Variants in AMPD3 observed in about 807,000 individuals in gnomAD.
AMPD3 encodes adenosine monophosphate deaminase 3.
Under a neutral mutation model 82.3 loss-of-function variants are expected in AMPD3, and 57 were observed. The observed-to-expected ratio is 0.69, with a 90% CI of 0.56 to 0.86. The LOEUF (loss-of-function observed/expected upper bound fraction) is 0.86. Among genes scored for constraint, AMPD3 ranks in the 40% least tolerant of loss-of-function variants. The probability of loss-of-function intolerance (pLI) is 0.00; values close to 1 mark genes in which losing one functional copy is unlikely to be tolerated. For synonymous variants in AMPD3, 381 were observed against 394.7 expected (o/e 0.97, Z 0.41); for missense variants, 870 against 1,003.8 (o/e 0.87, Z 1.80).
At chr11:10,497,147 T>TG (rs1482728449) in intron 10 of AMPD3, among the ~76,000 whole-genome samples, 2 of 149,738 alleles carry the variant, frequency 1.3e-5, no homozygotes, top group Non-Finnish European at 3.0e-5. Flanking sequence ...TCAGTGGGTG[T>TG]GGGGGGATGG....
upstream of AMPD3, chr11:10,455,141 G>C: frequency 2.0e-6 from 2 of 985,292 alleles, no homozygotes; most frequent in Non-Finnish European, 2.4e-6. Context: ...CATCCTTCCT[G>C]AGCTCTTCTC....
At chr11:10,494,246 A>G (rs57274216) in intron 7 of AMPD3, among the ~76,000 whole-genome samples, 19,264 of 152,252 alleles carry the variant, frequency 0.13, 1,272 homozygotes, top group East Asian at 0.18. Flanking sequence ...CAAATATCAT[A>G]TGATTCCACT....
Position 10,507,093 on chromosome 11 carries a change from G to A in AMPD3, c.*1209G>A, listed in dbSNP as rs1849731183. The A allele has an allele frequency of 1.3e-5, 2 of 152,610 alleles. No homozygotes were observed. Among genetic ancestry groups the A allele is most frequent in the Admixed American group, 6.5e-5 (1 of 15,288 alleles). The allele number at this position is 152,610 out of a possible 1,614,324, so 9.5% of individuals were successfully genotyped here. Reference sequence around the variant, plus strand: ...CTGTGTTACTAGTGCCTGGTATGTAGTAGGTGCTCAATAAATGCATATTGA... The same window carrying A: ...CTGTGTTACTAGTGCCTGGTATGTAATAGGTGCTCAATAAATGCATATTGA... On this transcript the variant is annotated 3_prime_UTR_variant, in exon 15 of 15. Transcript: ENST00000396553.
At chr11:10,485,356 C>T (rs188822145) in intron 5 of AMPD3, among the ~76,000 whole-genome samples, 7 of 152,282 alleles carry the variant, frequency 4.6e-5, no homozygotes, top group African/African-American at 1.7e-4. Context: ...AAGTGATTCT[C>T]TTGCCTCAGC....
At chr11:10,488,837 G>A (rs1039360089) in intron 6 of AMPD3, among the ~76,000 whole-genome samples, 1 of 152,114 alleles carries the variant, frequency 6.6e-6, no homozygotes, top group Non-Finnish European at 1.5e-5. Context: ...GGGAGGGTAG[G>A]CCAGGGGAGG....
intron 2 of AMPD3, among the ~76,000 whole-genome samples, chr11:10,464,856 G>T (rs918801989): frequency 6.6e-6 from 1 of 152,120 alleles, no homozygotes; most frequent in Non-Finnish European, 1.5e-5. Context: ...TGGCTATATT[G>T]TTTCTTATCC....
chr11:10,478,018 A>G (rs1591459737), intron 2 of AMPD3: 3 of 985,436 alleles, frequency 3.0e-6, no homozygotes, highest in East Asian at 1.1e-4. Context: ...TCTGGCTCCA[A>G]TGCCCCAAAT....
In AMPD3 at chr11:10,481,399, CTG is replaced by C. The variant is rs1407989035; in HGVS notation, c.427-663_427-662del. On this transcript the variant is annotated intron_variant, in intron 3 of 14. Transcript: ENST00000396553. Reference sequence around the variant, plus strand: ...ACTCAGGCTTTGTCCCTCCATGGGCCTGGTACAAAAACAGACTTTTGGCTTAA... The same window carrying C: ...ACTCAGGCTTTGTCCCTCCATGGGCCGTACAAAAACAGACTTTTGGCTTAA... 6.6e-5 allele frequency: 65 copies of C among 981,812 alleles called. 1 individual carries two copies. In the South Asian group the frequency reaches 3.0e-3, roughly 45 times the overall value. The allele number at this position is 981,812 out of a possible 1,614,324, so 60.8% of individuals were successfully genotyped here.
At chr11:10,462,232 G>C (rs940963258) in intron 2 of AMPD3, among the ~76,000 whole-genome samples, 2 of 152,210 alleles carry the variant, frequency 1.3e-5, no homozygotes, top group African/African-American at 2.4e-5. Context: ...TATCAGTCAG[G>C]GTCCAACTAG....
intron 2 of AMPD3, among the ~76,000 whole-genome samples, chr11:10,468,762 C>T (rs902851443): frequency 1.3e-4 from 20 of 152,092 alleles, no homozygotes; most frequent in East Asian, 7.7e-4. Context: ...CCTCAGCAAA[C>T]GCAAAAGAAT....
At chr11:10,461,887 C>T (rs1302488960) in intron 2 of AMPD3, 147 bp downstream of exon 2, 5 of 761,854 alleles carry the variant, frequency 6.6e-6, no homozygotes, top group African/African-American at 1.7e-5. Context: ...ACTTAACTCA[C>T]CTCTTATTTA....
rs370627386 is a variant in AMPD3 at position 10,493,514 on chromosome 11, C to T, written c.1105C>T (p.Leu369Phe). The T allele has an allele frequency of 3.1e-6, 5 of 1,614,088 alleles. No individual in the cohort carries two copies. In the South Asian group the frequency reaches 3.3e-5, roughly 11 times the overall value. Reference sequence around the variant, plus strand: ...CGGCCTGCACATGGACCCCTACGACCTCACTGTGGACTCACTGGATGTCCA... The same window carrying T: ...CGGCCTGCACATGGACCCCTACGACTTCACTGTGGACTCACTGGATGTCCA... ...FDGLHMDPYD[L>F]TVDSLDVHAG... The change falls in exon 7 of 15, where the codon CTC becomes TTC. Residue 369 changes from leucine (L) to phenylalanine (F), a missense_variant. By Grantham distance (22) the Leu-to-Phe change is conservative (BLOSUM62 0). Coordinates refer to ENST00000396553, the MANE Select transcript of AMPD3 (RefSeq NM_001025389.2).
At chr11:10,493,699 A>G (rs1396222403) in intron 7 of AMPD3, 156 bp downstream of exon 7, 6 of 879,368 alleles carry the variant, frequency 6.8e-6, no homozygotes, top group Non-Finnish European at 1.1e-5. Context: ...TCAGAGAATA[A>G]CAGGTCTGGG....
chr11:10,505,676 A>G (rs775034219), intron 14 of AMPD3, 32 bp from the exon 15 acceptor site: 22 of 1,609,918 alleles, frequency 1.4e-5, no homozygotes, highest in African/African-American at 4.0e-5. Flanking sequence ...TCAAAAGTAT[A>G]TAGTTTCATT....
intron 2 of AMPD3, among the ~76,000 whole-genome samples, chr11:10,473,973 G>C (rs1225864229): frequency 6.6e-6 from 1 of 152,182 alleles, no homozygotes; most frequent in African/African-American, 2.4e-5. Context: ...AATGAGCTGA[G>C]TGTGCGTGGG....
At chr11:10,493,747 G>A (rs1849309846) in intron 7 of AMPD3, 6 of 676,710 alleles carry the variant, frequency 8.9e-6, no homozygotes, top group African/African-American at 1.8e-5. Flanking sequence ...TGTGGCTTGG[G>A]GCCTGACAGG....
intron 4 of AMPD3, chr11:10,484,522 A>C (rs564780223): frequency 3.0e-6 from 3 of 983,768 alleles, no homozygotes; most frequent in Non-Finnish European, 3.6e-6. Flanking sequence ...AGTGCTAGCC[A>C]TGTGCCAGGG....
intron 6 of AMPD3, among the ~76,000 whole-genome samples, chr11:10,491,716 A>G (rs947304108): frequency 1.3e-5 from 2 of 152,228 alleles, no homozygotes; most frequent in African/African-American, 4.8e-5. Context: ...GTTTTTCAGC[A>G]TGACCAGCTG....
chr11:10,507,387 G>GAT lies in AMPD3; in HGVS notation c.*1510_*1511dup, dbSNP rs1366824074. On this transcript the variant is annotated 3_prime_UTR_variant, in exon 15 of 15. Transcript: ENST00000396553. ...ATAAATGCAGTCTTTTTACTAGGCAGATATATATGCTATCTTACAGCTAAT... is the reference window on the plus strand; with the variant it reads ...ATAAATGCAGTCTTTTTACTAGGCAGATATATATATGCTATCTTACAGCTAAT... 7.9e-5 allele frequency: 12 copies of GAT among 151,808 alleles called. No homozygotes were observed. The highest frequency in any genetic ancestry group is 7.9e-4 in the Admixed American group (12 of 15,278). 9.4% of individuals were successfully genotyped at this position (151,808 alleles called of 1,614,324 possible).
Sources: gnomAD v4.1 joint callset for allele counts (sites outside exome capture counted in the v4.1 genomes callset) on GRCh38, gnomAD v4.1.1 for gene constraint, MANE v1.5 for transcripts, NCBI Gene and HGNC (gene_info 2026-07-23, HGNC 2026-07-21) for gene names.